GPHN: variants seen among roughly 807,000 people sequenced by gnomAD.
GPHN encodes the protein gephyrin.
A neutral mutation model predicts 95.5 loss-of-function variants in GPHN; 17 were observed. The observed-to-expected ratio is 0.18, with a 90% CI of 0.12 to 0.27. The LOEUF (loss-of-function observed/expected upper bound fraction) is 0.27. GPHN is among the 10% of genes least tolerant of loss of function. The pLI is 1.00. For synonymous variants in GPHN, 320 were observed against 322.5 expected (o/e 0.99, Z 0.08); for missense variants, 660 against 978.1 (o/e 0.67, Z 4.34).
chr14:67,573,721 G>A, the GPHN span: 1 of 908,940 alleles, frequency 1.1e-6, no homozygotes, highest in Non-Finnish European at 1.9e-6. This position sits in a 1 kb window ranked among gnomAD's most constrained non-coding sequence, Gnocchi z 4.8. Context: ...TTATGACGTG[G>A]AGGAAGATCT....
the GPHN span, among the ~76,000 whole-genome samples, chr14:67,432,407 G>A: frequency 3.9e-5 from 6 of 152,210 alleles, no homozygotes; most frequent in African/African-American, 1.4e-4. Flanking sequence ...TAAATAGTTC[G>A]CCTTCTGCAA....
At chr14:66,997,243 T>G (rs1310790742) in intron 9 of GPHN, among the ~76,000 whole-genome samples, 2 of 152,054 alleles carry the variant, frequency 1.3e-5, no homozygotes, top group East Asian at 3.9e-4. Context: ...GGCGCACACC[T>G]GTAATCCCAG....
chr14:66,563,536 T>A (rs2060349312), intron 1 of GPHN, among the ~76,000 whole-genome samples: 1 of 152,240 alleles, frequency 6.6e-6, no homozygotes, highest in Non-Finnish European at 1.5e-5. Context: ...AGAGCTTAAT[T>A]TAGGACCAAT....
chr14:67,599,812 T>C, the GPHN span, among the ~76,000 whole-genome samples: 3 of 152,140 alleles, frequency 2.0e-5, no homozygotes, highest in Admixed American at 2.0e-4. Flanking sequence ...GGAAGGGGAA[T>C]GTACTATCCA....
the GPHN span, among the ~76,000 whole-genome samples, chr14:67,293,424 T>C: frequency 3.3e-5 from 5 of 152,132 alleles, no homozygotes; most frequent in Admixed American, 1.3e-4. Context: ...ATGTATTTCA[T>C]TGAATGCCAA....
At chr14:66,967,053 C>T (rs1043916189) in intron 9 of GPHN, among the ~76,000 whole-genome samples, 1 of 151,904 alleles carries the variant, frequency 6.6e-6, no homozygotes, top group South Asian at 2.1e-4. Flanking sequence ...TTAGTTAACA[C>T]TTAGATGTTC....
chr14:67,146,218 T>C (rs1165602156), intron 18 of GPHN, among the ~76,000 whole-genome samples: 8 of 152,212 alleles, frequency 5.3e-5, no homozygotes, highest in Non-Finnish European at 1.2e-4. Context: ...GAAGGGGCCC[T>C]GCTGCTTGTT....
chr14:67,360,364 G>A, the GPHN span: 39 of 397,266 alleles, frequency 9.8e-5, no homozygotes, highest in South Asian at 3.8e-3. Context: ...CGCTGAGGAG[G>A]ATCGGCGGCC....
intron 2 of GPHN, among the ~76,000 whole-genome samples, chr14:66,774,265 G>A (rs1402339254): frequency 2.6e-5 from 4 of 152,074 alleles, no homozygotes; most frequent in Non-Finnish European, 4.4e-5. Context: ...GGCTCCCAAA[G>A]TGCTGGGATT....
At chr14:66,625,250 T>C (rs1188558158) in intron 1 of GPHN, among the ~76,000 whole-genome samples, 1 of 152,038 alleles carries the variant, frequency 6.6e-6, no homozygotes, top group Non-Finnish European at 1.5e-5. Flanking sequence ...AATTTTATAA[T>C]TTTTTTGTAG....
chr14:67,288,758 T>G, the GPHN span, among the ~76,000 whole-genome samples: 2 of 152,160 alleles, frequency 1.3e-5, no homozygotes, highest in African/African-American at 4.8e-5. Context: ...TCTTCCTATC[T>G]ATTCTTAATA....
At chr14:66,741,141 C>A (rs1052507909) in intron 2 of GPHN, among the ~76,000 whole-genome samples, 3 of 152,186 alleles carry the variant, frequency 2.0e-5, no homozygotes, top group African/African-American at 7.2e-5. Flanking sequence ...CAGCTCCCAA[C>A]ATTAGGGATT....
Sources: gnomAD v4.1 joint callset for allele counts (sites outside exome capture counted in the v4.1 genomes callset) on GRCh38, gnomAD v4.1.1 for gene constraint, Gnocchi (gnomAD v3.1) non-coding constraint, MANE v1.5 for transcripts, NCBI Gene and HGNC (gene_info 2026-07-23, HGNC 2026-07-21) for gene names.